TLN2: variants seen among roughly 807,000 people sequenced by gnomAD.
TLN2 encodes talin 2.
A neutral mutation model predicts 294.7 loss-of-function variants in TLN2; 118 were observed. The ratio of observed to expected loss-of-function variants is 0.40; its 90% CI spans 0.34 to 0.47. The LOEUF is 0.47. Among genes scored for constraint, TLN2 ranks in the 20% least tolerant of loss-of-function variants. The pLI is 0.84. For synonymous variants in TLN2, 1,431 were observed against 1,304.5 expected, an observed-to-expected ratio of 1.10 and a Z score of -2.09; for missense variants, 3,083 against 3,282.2, an observed-to-expected ratio of 0.94 and a Z score of 1.48.
intron 1 of TLN2, among the ~76,000 whole-genome samples, chr15:62,564,919 AAAAAAAATATAT>A: frequency 8.9e-6 from 1 of 112,236 alleles, no homozygotes; most frequent in African/African-American, 3.6e-5. Context: ...AAAAAAAAAA[AAAAAAAATATAT>A]ATATATATAT....
At chr15:62,543,904 G>T (rs560788077) in intron 1 of TLN2, among the ~76,000 whole-genome samples, 27 of 152,292 alleles carry the variant, frequency 1.8e-4, no homozygotes, top group Admixed American at 5.9e-4. Context: ...AGCATCTCCA[G>T]GGAGGACTGT....
chr15:62,801,273 G>A (rs1449165027), intron 50 of TLN2, among the ~76,000 whole-genome samples: 3 of 152,170 alleles, frequency 2.0e-5, no homozygotes, highest in Non-Finnish European at 4.4e-5. Context: ...TCTGACCTGA[G>A]AGAAATTGAC....
chr15:62,698,026 G>A (rs929426498), intron 15 of TLN2, among the ~76,000 whole-genome samples, 158 bp downstream of exon 15: 2 of 152,166 alleles, frequency 1.3e-5, no homozygotes, highest in African/African-American at 2.4e-5. Flanking sequence ...TGGATGACTC[G>A]GATCACTGCC....
At position 62,796,288 on chromosome 15, in the gene TLN2, C is replaced by G; in HGVS notation, c.6045C>G (p.Asp2015Glu). The change falls in exon 47 of 59, where the codon GAC (aspartate) becomes GAG (glutamate). Residue 2015 changes from aspartate to glutamate, a missense_variant. Asp to Glu is a conservative substitution (Grantham distance 45). Transcript: ENST00000636159. ...CAGAGAACAGTGAGACCTTCGCAGA[C>G]CACAGGTACGTGGGGGTCCTGGACG... is the stretch of plus-strand genomic sequence containing the variant. ...LNAENSETFA[D>E]HRENILKTAK... 6.2e-7 allele frequency: 1 copy of G among 1,613,200 alleles called. No homozygotes were observed. Among genetic ancestry groups the G allele is most frequent in the Non-Finnish European group, 8.5e-7 (1 of 1,179,596 alleles).
chr15:62,495,150 T>C (rs2038953080), intron 1 of TLN2, among the ~76,000 whole-genome samples: 1 of 152,222 alleles, frequency 6.6e-6, no homozygotes, highest in African/African-American at 2.4e-5. Flanking sequence ...AAAATGGAAC[T>C]CCTGGAGGAC....
chr15:62,432,213 GAAAGTAATCCTCTAAT>G (rs1389511078), intron 1 of TLN2, among the ~76,000 whole-genome samples: 1 of 152,058 alleles, frequency 6.6e-6, no homozygotes, highest in Non-Finnish European at 1.5e-5. Context: ...AACACTCTGG[GAAAGTAATCCTCTAAT>G]TGAAGACAAA....
In TLN2 at chr15:62,653,573, A is replaced by G. The variant is rs564334820; in HGVS notation, c.517+259A>G. ...ACCTCATCTCTACTAAAAACACACAAAAAATTAGCTGGGCTTGCTGGTGAA... is the reference window on the plus strand; with the variant it reads ...ACCTCATCTCTACTAAAAACACACAGAAAATTAGCTGGGCTTGCTGGTGAA... On this transcript the variant is annotated intron_variant, in intron 7 of 58. Coordinates refer to ENST00000636159, the MANE Select transcript of TLN2 (RefSeq NM_015059.3). Among the ~76,000 whole-genome samples the G allele has an allele frequency of 8.5e-5, 13 of 152,120 alleles. No individual in the cohort carries two copies. The East Asian group carries it at 2.3e-3, about 27-fold the overall frequency.
At chr15:62,479,265 C>T (rs1462247922) in intron 1 of TLN2, among the ~76,000 whole-genome samples, 1 of 152,056 alleles carries the variant, frequency 6.6e-6, no homozygotes, top group Non-Finnish European at 1.5e-5. Context: ...AGGACTGGTA[C>T]CCTCTATTCT....
chr15:62,505,958 A>G (rs2039596019), intron 1 of TLN2, among the ~76,000 whole-genome samples: 1 of 152,218 alleles, frequency 6.6e-6, no homozygotes, highest in Non-Finnish European at 1.5e-5. Context: ...TGCCAGGTCT[A>G]AGATCATTCT....
chr15:62,590,064 C>T (rs1307321386), intron 2 of TLN2, among the ~76,000 whole-genome samples: 3 of 152,084 alleles, frequency 2.0e-5, no homozygotes, highest in Non-Finnish European at 4.4e-5. Flanking sequence ...AATTCTCATT[C>T]ACTCACACTG....
chr15:62,556,369 C>T (rs1214498461), intron 1 of TLN2, among the ~76,000 whole-genome samples: 1 of 151,778 alleles, frequency 6.6e-6, no homozygotes, highest in East Asian at 1.9e-4. Flanking sequence ...TGCAGTGGCA[C>T]GATCAGGGCT....
chr15:62,527,530 A>G (rs1286552262), intron 1 of TLN2, among the ~76,000 whole-genome samples: 1 of 152,238 alleles, frequency 6.6e-6, no homozygotes, highest in Admixed American at 6.5e-5. Context: ...GGCAAAAATG[A>G]TGACCTCATA....
Position 62,653,250 on chromosome 15 carries a change from G to C in TLN2, c.453G>C (p.Arg151Ser). 6.2e-7 allele frequency: 1 copy of C among 1,613,594 alleles called. No individual in the cohort carries two copies. ...EEGTGTLKKD[R>S]TLLRDERKME... ...GAACGGGCACACTCAAAAAAGACAG[G>C]ACACTGTTACGAGATGAGAGGAAAA... The change falls in exon 7 of 59, where the codon AGG becomes AGC. Residue 151 changes from arginine to serine, a missense_variant. Coordinates refer to ENST00000636159, the MANE Select transcript of TLN2 (RefSeq NM_015059.3).
intron 36 of TLN2, 48 bp downstream of exon 36, chr15:62,753,964 C>T (rs752055394): frequency 5.4e-5 from 79 of 1,472,768 alleles, no homozygotes; most frequent in Non-Finnish European, 1.5e-5. Context: ...AGCAGCTCCT[C>T]TAGGTAAGTT....
rs16945707 is a variant in TLN2, at chr15:62,774,538, C to G, written c.5368-2226C>G. 7.6e-3 allele frequency among the ~76,000 whole-genome samples: 1,158 copies of G among 152,168 alleles called. 42 individuals carry two copies. The East Asian group carries it at 0.11, about 14-fold the overall frequency. ...GCTGTCTGATAAAGATGAGACTTGC[C>G]TTTGGTGTTCAGAAGAAAAGGCCCT... is the stretch of plus-strand genomic sequence containing the variant. On this transcript the variant is annotated intron_variant, in intron 42 of 58. Coordinates refer to ENST00000636159, the MANE Select transcript of TLN2 (RefSeq NM_015059.3).
At chr15:62,537,138 C>T (rs966973537) in intron 1 of TLN2, among the ~76,000 whole-genome samples, 1 of 152,012 alleles carries the variant, frequency 6.6e-6, no homozygotes, top group African/African-American at 2.4e-5. Context: ...CCTGCCTCAG[C>T]CTCCCGAGTA....
intron 50 of TLN2, among the ~76,000 whole-genome samples, chr15:62,804,462 G>A (rs935233491): frequency 6.6e-6 from 1 of 152,168 alleles, no homozygotes; most frequent in Non-Finnish European, 1.5e-5. Flanking sequence ...GCCAGGTGTG[G>A]TGGCCTGAAC....
intron 57 of TLN2, chr15:62,838,225 A>T (rs2070029634): frequency 6.6e-6 from 1 of 152,238 alleles, no homozygotes; most frequent in Admixed American, 6.5e-5. Context: ...GTAGCCCTTC[A>T]TTCCCTCAAA....
chr15:62,792,370 T>C (rs1317237431), intron 45 of TLN2, among the ~76,000 whole-genome samples: 2 of 152,150 alleles, frequency 1.3e-5, no homozygotes, highest in African/African-American at 2.4e-5. Context: ...GCAGATAAGC[T>C]ATAAACCAGG....
Sources: gnomAD v4.1 joint callset for allele counts (sites outside exome capture counted in the v4.1 genomes callset) on GRCh38, gnomAD v4.1.1 for gene constraint, MANE v1.5 for transcripts, NCBI Gene and HGNC (gene_info 2026-07-23, HGNC 2026-07-21) for gene names.